Variants in NFIX observed in about 807,000 individuals in gnomAD.
NFIX encodes the protein nuclear factor 1 X-type.
In NFIX, 2 loss-of-function variants were observed where a neutral mutation model predicts 53.3. That is an observed-to-expected ratio of 0.04 (90% CI 0.02 to 0.12). The LOEUF (loss-of-function observed/expected upper bound fraction) is 0.12. Among genes scored for constraint, NFIX ranks in the 10% least tolerant of loss-of-function variants. The pLI is 1.00. For synonymous variants in NFIX, 244 were observed against 289.0 expected, an observed-to-expected ratio of 0.84 and a Z score of 1.58; for missense variants, 310 against 674.5, an observed-to-expected ratio of 0.46 and a Z score of 5.99.
chr19:13,085,526 T>C (rs752895548), intron 8 of NFIX, among the ~76,000 whole-genome samples: 3 of 152,216 alleles, frequency 2.0e-5, no homozygotes, highest in Non-Finnish European at 4.4e-5. Context: ...TCGCATCACC[T>C]TTCTCTGCAG....
At position 13,036,411 on chromosome 19, in the gene NFIX, G is replaced by A. The variant is rs553305189; in HGVS notation, c.559+10859G>A. On this transcript the variant is annotated intron_variant, in intron 2 of 10. Transcript: ENST00000592199. This position sits in a 1 kb window ranked among gnomAD's most constrained non-coding sequence, Gnocchi z 4.7. ...AGGCCAGGGGTGGGGCTGTGGAAAT[G>A]AGAAACCGGACGAGACAGAGAGGGA... Among the ~76,000 whole-genome samples the A allele has an allele frequency of 5.9e-5, 9 of 152,108 alleles. No individual in the cohort carries two copies. Among genetic ancestry groups the A allele is most frequent in the African/African-American group, 2.2e-4 (9 of 41,494 alleles).
chr19:13,058,099 C>G (rs527363930), intron 2 of NFIX, among the ~76,000 whole-genome samples: 2 of 152,028 alleles, frequency 1.3e-5, no homozygotes, highest in African/African-American at 4.8e-5. Context: ...GAGGGGGTTG[C>G]CCTAAGTTGG....
In NFIX at chr19:13,009,047, T is replaced by C. The variant is rs1178302279; in HGVS notation, c.27+13183T>C. Among the ~76,000 whole-genome samples the C allele has an allele frequency of 6.6e-6, 1 of 152,136 alleles. No homozygotes were observed. Among genetic ancestry groups the C allele is most frequent in the East Asian group, 1.9e-4 (1 of 5,184 alleles). ...CACACTGCCTCATCCCCACTCACAG[T>C]CAACGCCCGCAACACCCCGCCACCC... is the stretch of plus-strand genomic sequence containing the variant. On this transcript the variant is annotated intron_variant, in intron 1 of 10. Coordinates refer to ENST00000592199, the MANE Select transcript of NFIX (RefSeq NM_001365902.3). The surrounding 1 kb of genome is among the most constrained non-coding windows in gnomAD (Gnocchi z 4.7).
chr19:12,998,139 G>A lies in NFIX; in HGVS notation c.27+2275G>A, dbSNP rs1568248939. Among the ~76,000 whole-genome samples the A allele has an allele frequency of 6.6e-6, 1 of 152,088 alleles. No individual in the cohort carries two copies. The highest frequency in any genetic ancestry group is 1.5e-5 in the Non-Finnish European group (1 of 68,020). On this transcript the variant is annotated intron_variant, in intron 1 of 10. Transcript: ENST00000592199. This position sits in a 1 kb window ranked among gnomAD's most constrained non-coding sequence, Gnocchi z 4.4. ...TCTTTCCTTTGCTGTCTTTTTCTCG[G>A]TCTGTTTTTATCGGTCTCTGGTGTA...
rs1474315627 is a variant in NFIX, at chr19:13,025,275, C to G, written c.282C>G (p.Thr94=). Residue 94 remains threonine, a synonymous_variant, in exon 2 of 11, where the codon ACC becomes ACG. Coordinates refer to ENST00000592199, the MANE Select transcript of NFIX (RefSeq NM_001365902.3). This position sits in a 1 kb window ranked among gnomAD's most constrained non-coding sequence, Gnocchi z 7.5. ...RPEFREDFVL[T]ITGKKPPCCV... ...AGTTCCGCGAGGACTTCGTGCTGACCATCACGGGCAAGAAGCCCCCCTGCT... is the reference window on the plus strand; with the variant it reads ...AGTTCCGCGAGGACTTCGTGCTGACGATCACGGGCAAGAAGCCCCCCTGCT... The G allele has an allele frequency of 6.2e-7, 1 of 1,613,976 alleles. No individual in the cohort carries two copies. Among genetic ancestry groups the G allele is most frequent in the South Asian group, 1.1e-5 (1 of 91,082 alleles).
chr19:13,017,775 G>A (rs919398993), intron 1 of NFIX, among the ~76,000 whole-genome samples: 3 of 152,170 alleles, frequency 2.0e-5, no homozygotes, highest in African/African-American at 4.8e-5. Flanking sequence ...ATCTTCACGC[G>A]CTGGTCTCTC....
At position 12,998,443 on chromosome 19, in the gene NFIX, T is replaced by A. The variant is rs1425026584; in HGVS notation, c.27+2579T>A. ...GGGGCCCTGGCGGGGAAAGGTACTG[T>A]GGGCGAGGGGGAAGGGCGGGGGGAA... On this transcript the variant is annotated intron_variant, in intron 1 of 10. Transcript: ENST00000592199. This position sits in a 1 kb window ranked among gnomAD's most constrained non-coding sequence, Gnocchi z 4.4. 1.3e-5 allele frequency among the ~76,000 whole-genome samples: 2 copies of A among 149,208 alleles called. No individual in the cohort carries two copies. Among genetic ancestry groups the A allele is most frequent in the Non-Finnish European group, 3.0e-5 (2 of 67,422 alleles).
rs917807860 is a variant in NFIX at position 13,012,971 on chromosome 19, C to G, written c.28-12050C>G. On this transcript the variant is annotated intron_variant, in intron 1 of 10. Transcript: ENST00000592199. This position sits in a 1 kb window ranked among gnomAD's most constrained non-coding sequence, Gnocchi z 5.0. Reference sequence around the variant, plus strand: ...GGGTTTGGGGGATTTTGTCCTCCAGCGAGCGCGGGGAAGAAATGTGACTAA... The same window carrying G: ...GGGTTTGGGGGATTTTGTCCTCCAGGGAGCGCGGGGAAGAAATGTGACTAA... Among the ~76,000 whole-genome samples the G allele has an allele frequency of 1.6e-4, 24 of 151,898 alleles. No individual in the cohort carries two copies. Among genetic ancestry groups the G allele is most frequent in the Admixed American group, 1.2e-3 (18 of 15,252 alleles).
rs1374546800 is a variant in NFIX, at chr19:13,081,289, G to A, written c.1079-391G>A. On this transcript the variant is annotated intron_variant, in intron 7 of 10. Transcript: ENST00000592199. The surrounding 1 kb of genome is among the most constrained non-coding windows in gnomAD (Gnocchi z 4.7). ...ACTGCACTCCAGTCTGGATGACAGA[G>A]CGAGACCCTGTCTCAAATAATAATA... is the stretch of plus-strand genomic sequence containing the variant. 2.0e-5 allele frequency among the ~76,000 whole-genome samples: 3 copies of A among 152,112 alleles called. No homozygotes were observed. The highest frequency in any genetic ancestry group is 1.5e-5 in the Non-Finnish European group (1 of 68,042).
intron 2 of NFIX, among the ~76,000 whole-genome samples, chr19:13,035,441 G>A (rs1055412748): frequency 1.3e-5 from 2 of 152,150 alleles, no homozygotes; most frequent in African/African-American, 4.8e-5. Flanking sequence ...CAGGACAGGG[G>A]ATCTGCTACT....
At chr19:13,063,710 G>T (rs1343644411) in intron 2 of NFIX, among the ~76,000 whole-genome samples, 2 of 152,038 alleles carry the variant, frequency 1.3e-5, no homozygotes, top group African/African-American at 4.8e-5. Flanking sequence ...TGGCTCTGGG[G>T]CTTCCTGCCT....
chr19:13,089,811 C>T lies in NFIX; in HGVS notation c.1403-488C>T, dbSNP rs950662931. The stretch of plus-strand genomic sequence containing the variant: ...AGGCCTTCCCGAAGCAGGGTGGGGC[C>T]GGACTGCCAAAGCCTCCACCCTCCC... On this transcript the variant is annotated intron_variant, in intron 9 of 10. Coordinates refer to ENST00000592199, the MANE Select transcript of NFIX (RefSeq NM_001365902.3). The surrounding 1 kb of genome is among the most constrained non-coding windows in gnomAD (Gnocchi z 4.8). Among the ~76,000 whole-genome samples the T allele has an allele frequency of 3.3e-5, 5 of 152,156 alleles. No individual in the cohort carries two copies. Among genetic ancestry groups the T allele is most frequent in the African/African-American group, 7.2e-5 (3 of 41,448 alleles).
chr19:13,053,524 G>A (rs1480904337), intron 2 of NFIX, among the ~76,000 whole-genome samples: 1 of 152,110 alleles, frequency 6.6e-6, no homozygotes, highest in Non-Finnish European at 1.5e-5. Context: ...TGACTCTGGT[G>A]CCCTCAGACA....
At position 13,090,239 on chromosome 19, in the gene NFIX, G is replaced by A. The variant is rs1401066444; in HGVS notation, c.1403-60G>A. On this transcript the variant is annotated intron_variant, in intron 9 of 10. Transcript: ENST00000592199. This position sits in a 1 kb window ranked among gnomAD's most constrained non-coding sequence, Gnocchi z 6.6. ...CCTCTCTCAGCAGCCCCGAGGGGCA[G>A]TGCCCAGGTGGGCCCCAAGGCCTGA... 1.1e-5 allele frequency: 17 copies of A among 1,511,334 alleles called. No individual in the cohort carries two copies. Among genetic ancestry groups the A allele is most frequent in the African/African-American group, 2.7e-5 (2 of 72,822 alleles). The allele number at this position is 1,511,334 out of a possible 1,614,324, so 93.6% of individuals were successfully genotyped here. A position where few individuals can be genotyped will look rare whatever the true frequency, so the allele number is the denominator to read the frequency against.
chr19:13,091,599 G>C (rs1381865093), intron 10 of NFIX, among the ~76,000 whole-genome samples: 2 of 152,074 alleles, frequency 1.3e-5, no homozygotes, highest in Non-Finnish European at 2.9e-5. Context: ...GAACTTGGGG[G>C]TGCTGAGAAG....
At position 13,095,032 on chromosome 19, in the gene NFIX, A is replaced by C; in HGVS notation, c.*383A>C. ...GTCCCCAAACAAAGCAACCAGCACA[A>C]TTCTGAAGGGGCCTGGCCTCCACCC... On this transcript the variant is annotated 3_prime_UTR_variant, in exon 11 of 11. Coordinates refer to ENST00000592199, the MANE Select transcript of NFIX (RefSeq NM_001365902.3). The C allele has an allele frequency of 4.5e-6, 1 of 222,238 alleles. No individual in the cohort carries two copies. The highest frequency in any genetic ancestry group is 9.1e-6 in the Non-Finnish European group (1 of 110,110). 13.8% of individuals were successfully genotyped at this position (222,238 alleles called of 1,614,324 possible).
rs987182909 is a variant in NFIX at position 13,066,900 on chromosome 19, T to A, written c.560-6147T>A. On this transcript the variant is annotated intron_variant, in intron 2 of 10. Coordinates refer to ENST00000592199, the MANE Select transcript of NFIX (RefSeq NM_001365902.3). The surrounding 1 kb of genome is among the most constrained non-coding windows in gnomAD (Gnocchi z 4.2). Reference sequence around the variant, plus strand: ...CTGGCTGCCCTGCATTCTCAAGGACTTCCTTGGTCCCCTGAGTCTCCTGTC... The same window carrying A: ...CTGGCTGCCCTGCATTCTCAAGGACATCCTTGGTCCCCTGAGTCTCCTGTC... 5.9e-5 allele frequency among the ~76,000 whole-genome samples: 9 copies of A among 152,238 alleles called. No individual in the cohort carries two copies. The highest frequency in any genetic ancestry group is 5.9e-4 in the Admixed American group (9 of 15,298).
rs1266351419 is a variant in NFIX at position 13,002,144 on chromosome 19, C to T, written c.27+6280C>T. Among the ~76,000 whole-genome samples the T allele has an allele frequency of 2.6e-5, 4 of 152,090 alleles. No homozygotes were observed. The highest frequency in any genetic ancestry group is 4.4e-5 in the Non-Finnish European group (3 of 67,984). Reference sequence around the variant, plus strand: ...ACCCCTGGGCCACCCGCCATCCCTCCGAGGCTCTGAGGGCGCGGATTTGGA... The same window carrying T: ...ACCCCTGGGCCACCCGCCATCCCTCTGAGGCTCTGAGGGCGCGGATTTGGA... On this transcript the variant is annotated intron_variant, in intron 1 of 10. Transcript: ENST00000592199. This position sits in a 1 kb window ranked among gnomAD's most constrained non-coding sequence, Gnocchi z 6.1.
At position 13,002,808 on chromosome 19, in the gene NFIX, C is replaced by T. The variant is rs935768093; in HGVS notation, c.27+6944C>T. On this transcript the variant is annotated intron_variant, in intron 1 of 10. Coordinates refer to ENST00000592199, the MANE Select transcript of NFIX (RefSeq NM_001365902.3). This position sits in a 1 kb window ranked among gnomAD's most constrained non-coding sequence, Gnocchi z 6.1. ...CACTGGGCCCCACCCTGAGGGGAGC[C>T]GGGGGTGGTGGCCAGCAGTGGGCAG... Among the ~76,000 whole-genome samples the T allele has an allele frequency of 2.4e-4, 36 of 152,134 alleles. No homozygotes were observed. The highest frequency in any genetic ancestry group is 2.0e-3 in the Admixed American group (31 of 15,274).
Sources: allele counts gnomAD v4.1 joint callset (sites outside exome capture counted in the v4.1 genomes callset), GRCh38; gene constraint gnomAD v4.1.1; non-coding constraint Gnocchi (gnomAD v3.1); transcripts MANE v1.5; gene names NCBI Gene and HGNC (gene_info 2026-07-23, HGNC 2026-07-21).